GMEB2: variants seen among roughly 807,000 people sequenced by gnomAD.
GMEB2 encodes glucocorticoid modulatory element-binding protein 2.
GMEB2 carries 7 observed loss-of-function variants against 45.7 expected under a neutral mutation model. The ratio of observed to expected loss-of-function variants is 0.15; its 90% confidence interval spans 0.09 to 0.29. The LOEUF (loss-of-function observed/expected upper bound fraction) is 0.29, where lower values mean the gene tolerates loss of function less well. Among genes scored for constraint, GMEB2 ranks in the 10% least tolerant of loss-of-function variants. The probability of loss-of-function intolerance (pLI) is 1.00; values close to 1 mark genes in which losing one functional copy is unlikely to be tolerated. For synonymous variants in GMEB2, 322 were observed against 323.6 expected (o/e 1.00, Z 0.05); for missense variants, 582 against 739.2 (o/e 0.79, Z 2.47).
At chr20:63,611,709 C>T (rs2089572131) in intron 2 of GMEB2, among the ~76,000 whole-genome samples, 1 of 152,140 alleles carries the variant, frequency 6.6e-6, no homozygotes, top group African/African-American at 2.4e-5. Context: ...AACAAGGAAT[C>T]CCCAGGGGAT....
intron 2 of GMEB2, among the ~76,000 whole-genome samples, chr20:63,616,697 G>T (rs527257821): frequency 9.9e-5 from 15 of 152,186 alleles, no homozygotes; most frequent in Non-Finnish European, 1.9e-4. Context: ...CAGGAATGAG[G>T]GAAAGGAGGG....
Position 63,606,215 on chromosome 20 carries a change from GTTTT to G in GMEB2, c.132-1379_132-1376del, listed in dbSNP as rs943828143. 4.0e-5 allele frequency among the ~76,000 whole-genome samples: 6 copies of G among 151,752 alleles called. No individual in the cohort carries two copies. The East Asian group carries it at 9.6e-4, about 24-fold the overall frequency. ...AAAAGTATTAGAAGGAAAAAAATAAGTTTTTTTTACTTGTTTCAAAGTGACAAAG... is the reference window on the plus strand; with the variant it reads ...AAAAGTATTAGAAGGAAAAAAATAAGTTTTACTTGTTTCAAAGTGACAAAG... On this transcript the variant is annotated intron_variant, in intron 2 of 9. Coordinates refer to ENST00000370077, the MANE Select transcript of GMEB2 (RefSeq NM_012384.5).
chr20:63,619,510 T>G lies in GMEB2; in HGVS notation c.-57-56A>C. 3 of 1,049,834 alleles carry G rather than the reference T, an allele frequency of 2.9e-6. No individual in the cohort carries two copies. The highest frequency in any genetic ancestry group is 4.1e-6 in the Non-Finnish European group (3 of 729,528). 65.0% of individuals were successfully genotyped at this position (1,049,834 alleles called of 1,614,324 possible). ...GAGTCATCTCCACATCCACACAACA[T>G]AGCACTCACAAAGGCATCTCTAATC... On this transcript the variant is annotated intron_variant, in intron 1 of 9. Coordinates refer to ENST00000370077, the MANE Select transcript of GMEB2 (RefSeq NM_012384.5). This position sits in a 1 kb window ranked among gnomAD's most constrained non-coding sequence, Gnocchi z 4.6.
chr20:63,607,265 G>C lies in GMEB2; in HGVS notation c.132-2425C>G, dbSNP rs1453273908. ...TCCATTTCTAGAAACATGCCCCTCT[G>C]ACCCCACATCCATTTCTAGAAACAT... is the stretch of plus-strand genomic sequence containing the variant. On this transcript the variant is annotated intron_variant, in intron 2 of 9. Transcript: ENST00000370077. 3.6e-5 allele frequency among the ~76,000 whole-genome samples: 4 copies of C among 112,658 alleles called. No individual in the cohort carries two copies. In the East Asian group the frequency reaches 7.2e-4, roughly 20 times the overall value. The allele number at this position is 112,658 out of a possible 152,430, so 73.9% of individuals were successfully genotyped here.
At chr20:63,590,901 G>T (rs953232532) in intron 9 of GMEB2, among the ~76,000 whole-genome samples, 172 bp from the exon 10 acceptor site, 1 of 152,170 alleles carries the variant, frequency 6.6e-6, no homozygotes, top group African/African-American at 2.4e-5. Flanking sequence ...CAAAGGTGAG[G>T]TCTGTGGGAG....
chr20:63,624,088 C>T (rs540976917), intron 1 of GMEB2, among the ~76,000 whole-genome samples: 6 of 147,220 alleles, frequency 4.1e-5, no homozygotes, highest in African/African-American at 7.6e-5. Context: ...TCAGCCTGGG[C>T]GACAGAGCAA....
intron 2 of GMEB2, among the ~76,000 whole-genome samples, chr20:63,614,124 C>T (rs752914292): frequency 2.8e-4 from 42 of 151,892 alleles, no homozygotes; most frequent in Non-Finnish European, 4.7e-4. Flanking sequence ...CGAGCTGTTC[C>T]GGTGTAATAA....
In GMEB2 at chr20:63,590,489, A is replaced by T; in HGVS notation, c.1193T>A (p.Leu398His). Residue 398 changes from leucine (L) to histidine (H), a missense_variant, in exon 10 of 10, where the codon CTT becomes CAT. Physicochemically the swap from Leu to His is moderately conservative, Grantham distance 99 (BLOSUM62 -3). Coordinates refer to ENST00000370077, the MANE Select transcript of GMEB2 (RefSeq NM_012384.5). ...VPVPQLTSVP[L>H]GKVVSTLPST... ...CGGCAGGGTGGACACCACTTTACCA[A>T]GGGGCACGCTGGTCAGCTGGGGGAC... 1 of 1,503,174 alleles carries T rather than the reference A, an allele frequency of 6.7e-7. No individual in the cohort carries two copies. Among genetic ancestry groups the T allele is most frequent in the Non-Finnish European group, 8.9e-7 (1 of 1,119,770 alleles). The allele number at this position is 1,503,174 out of a possible 1,614,324, so 93.1% of individuals were successfully genotyped here. A position where few individuals can be genotyped will look rare whatever the true frequency, so the allele number is the denominator to read the frequency against.
intron 1 of GMEB2, among the ~76,000 whole-genome samples, chr20:63,625,551 G>A (rs1046867315): frequency 6.6e-6 from 1 of 151,930 alleles, no homozygotes; most frequent in Non-Finnish European, 1.5e-5. Flanking sequence ...CTAGTGTGAA[G>A]TGAGTTTCCA....
intron 2 of GMEB2, among the ~76,000 whole-genome samples, chr20:63,617,985 C>T (rs2089621264): frequency 6.6e-6 from 1 of 151,256 alleles, no homozygotes; most frequent in Non-Finnish European, 1.5e-5. Flanking sequence ...TCACTGCTGC[C>T]ACACTACTCA....
chr20:63,626,746 G>GCCGCCCGCGC (rs2089677270), intron 1 of GMEB2, among the ~76,000 whole-genome samples: 2 of 147,526 alleles, frequency 1.4e-5, no homozygotes, highest in Admixed American at 6.8e-5. Context: ...AGGAAGCGCC[G>GCCGCCCGCGC]CCGCCCGCGC....
rs766491192 is a variant in GMEB2, at chr20:63,592,636, G to A, written c.726C>T (p.Asp242=). 3.6e-5 allele frequency: 58 copies of A among 1,612,762 alleles called. No individual in the cohort carries two copies. Among genetic ancestry groups the A allele is most frequent in the Middle Eastern group, 3.3e-4 (2 of 6,080 alleles). The change falls in exon 8 of 10, where the codon GAC becomes GAT. Residue 242 remains aspartate (D), a synonymous_variant. Transcript: ENST00000370077. The surrounding 1 kb of genome is among the most constrained non-coding windows in gnomAD (Gnocchi z 8.2). ...GGATGACCTCGTCCAGCAGGCCGGCGTCCTTCAGCCCCCGCCAGAAGGTAA... is the reference window on the plus strand; with the variant it reads ...GGATGACCTCGTCCAGCAGGCCGGCATCCTTCAGCCCCCGCCAGAAGGTAA... ...DTFTFWRGLK[D]AGLLDEVIQE... is the part of the protein sequence containing the mutation.
chr20:63,625,234 G>A (rs1275207056), intron 1 of GMEB2, among the ~76,000 whole-genome samples: 2 of 151,698 alleles, frequency 1.3e-5, no homozygotes, highest in Non-Finnish European at 2.9e-5. Context: ...GGAGTGCAAT[G>A]GCAAAATCTT....
intron 2 of GMEB2, among the ~76,000 whole-genome samples, chr20:63,613,859 T>G (rs187872871): frequency 6.6e-6 from 1 of 152,290 alleles, no homozygotes; most frequent in African/African-American, 2.4e-5. Context: ...ACTCTCCACA[T>G]TTCAAATGGG....
Position 63,588,884 on chromosome 20 carries a change from G to T in GMEB2, c.*1205C>A. 1 of 398,618 alleles carries T rather than the reference G, an allele frequency of 2.5e-6. No individual in the cohort carries two copies. Among genetic ancestry groups the T allele is most frequent in the Non-Finnish European group, 4.4e-6 (1 of 226,084 alleles). 24.7% of individuals were successfully genotyped at this position (398,618 alleles called of 1,614,324 possible). ...GAGGGGCCTCAGCCTGGTCTTCCTT[G>T]TGAGTCCAAGGCCAGGTCTCAGGAC... On this transcript the variant is annotated 3_prime_UTR_variant, in exon 10 of 10. Coordinates refer to ENST00000370077, the MANE Select transcript of GMEB2 (RefSeq NM_012384.5).
chr20:63,606,007 G>A (rs61659179), intron 2 of GMEB2, among the ~76,000 whole-genome samples: 4,970 of 151,420 alleles, frequency 0.033, 117 homozygotes, highest in African/African-American at 0.053. Context: ...TGGAGGCAGC[G>A]AGTGCCCCAG....
In GMEB2 at chr20:63,619,939, GT is replaced by G. The variant is rs1163416112; in HGVS notation, c.-57-486del. On this transcript the variant is annotated intron_variant, in intron 1 of 9. Transcript: ENST00000370077. The surrounding 1 kb of genome is among the most constrained non-coding windows in gnomAD (Gnocchi z 4.6). ...GAAAGAGAGGAGGGAAACGCCCTGG[GT>G]TTTTTTGGGTTTTTGGGTTTTTTTT... is the stretch of plus-strand genomic sequence containing the variant. 1 of 152,476 alleles carries G rather than the reference GT, an allele frequency of 6.6e-6. No homozygotes were observed. The highest frequency in any genetic ancestry group is 1.5e-5 in the Non-Finnish European group (1 of 68,158). The allele number at this position is 152,476 out of a possible 1,614,324, so 9.4% of individuals were successfully genotyped here.
At chr20:63,598,428 G>A (rs1022255109) in intron 4 of GMEB2, among the ~76,000 whole-genome samples, 5 of 151,968 alleles carry the variant, frequency 3.3e-5, no homozygotes, top group Admixed American at 3.3e-4. Context: ...ACCCATGTGG[G>A]AGCTCAGAGA....
At chr20:63,603,886 T>C (rs1482559216) in intron 3 of GMEB2, among the ~76,000 whole-genome samples, 2 of 151,018 alleles carry the variant, frequency 1.3e-5, no homozygotes, top group Middle Eastern at 3.2e-3. Flanking sequence ...AAACCCCATC[T>C]CTACTAAAAA....
Sources: gnomAD v4.1 joint callset for allele counts (sites outside exome capture counted in the v4.1 genomes callset) on GRCh38, gnomAD v4.1.1 for gene constraint, Gnocchi (gnomAD v3.1) non-coding constraint, MANE v1.5 for transcripts, NCBI Gene and HGNC (gene_info 2026-07-23, HGNC 2026-07-21) for gene names.